The following PCDH15 variants were observed in gnomAD, a reference collection of about 807,000 sequenced individuals.
PCDH15 encodes the protein protocadherin related 15.
Under a neutral mutation model 178.5 loss-of-function variants are expected in PCDH15, and 129 were observed. That is an observed-to-expected ratio of 0.72 (90% CI 0.63 to 0.84). The LOEUF (loss-of-function observed/expected upper bound fraction) is 0.84, where lower values mean the gene tolerates loss of function less well. PCDH15 is among the 40% of genes least tolerant of loss of function. The pLI is 0.00. For synonymous variants in PCDH15, 800 were observed against 732.0 expected, an observed-to-expected ratio of 1.09 and a Z score of -1.50; for missense variants, 2,230 against 2,099.9, an observed-to-expected ratio of 1.06 and a Z score of -1.21.
At chr10:55,604,699 A>T (rs1254379880) in intron 2 of PCDH15, among the ~76,000 whole-genome samples, 10 of 145,202 alleles carry the variant, frequency 6.9e-5, no homozygotes, top group African/African-American at 2.6e-4. Flanking sequence ...GAAACCAACG[A>T]GAACAAAGAC....
chr10:54,539,563 C>T (rs1330737213), intron 2 of PCDH15, among the ~76,000 whole-genome samples: 1 of 152,138 alleles, frequency 6.6e-6, no homozygotes, highest in African/African-American at 2.4e-5. Context: ...CAACATTAGA[C>T]AAATCATTGA....
chr10:55,506,029 G>A (rs1364766169), intron 2 of PCDH15, among the ~76,000 whole-genome samples: 2 of 147,410 alleles, frequency 1.4e-5, no homozygotes, highest in African/African-American at 5.3e-5. Flanking sequence ...TCATTAACAT[G>A]AAAATGTTGT....
At chr10:54,351,531 C>T (rs1266032140) in intron 5 of PCDH15, among the ~76,000 whole-genome samples, 6 of 152,006 alleles carry the variant, frequency 3.9e-5, no homozygotes, top group Non-Finnish European at 7.4e-5. Flanking sequence ...ATTATTTATG[C>T]AGATGAGACT....
At chr10:55,538,264 CAAAT>C (rs1841629861) in intron 2 of PCDH15, among the ~76,000 whole-genome samples, 1 of 152,166 alleles carries the variant, frequency 6.6e-6, no homozygotes, top group Non-Finnish European at 1.5e-5. Context: ...TTTTTGTTAT[CAAAT>C]AAATATTCAC....
At chr10:54,284,326 T>C (rs1023176096) in intron 8 of PCDH15, among the ~76,000 whole-genome samples, 1 of 152,242 alleles carries the variant, frequency 6.6e-6, no homozygotes, top group Non-Finnish European at 1.5e-5. Context: ...TGCCTTCTTA[T>C]TGTAATTGTT....
At chr10:54,977,463 G>A (rs1313028680) in intron 2 of PCDH15, among the ~76,000 whole-genome samples, 1 of 152,120 alleles carries the variant, frequency 6.6e-6, no homozygotes, top group Non-Finnish European at 1.5e-5. Flanking sequence ...TGCCATGAAA[G>A]TTTACAAACG....
chr10:53,821,488 A>G, intron 32 of PCDH15: 3 of 1,023,254 alleles, frequency 2.9e-6, no homozygotes, highest in Non-Finnish European at 3.5e-6. Context: ...TTCATATAAA[A>G]CTACGATCAA....
chr10:54,687,910 T>C (rs538833148), intron 1 of PCDH15, among the ~76,000 whole-genome samples: 6 of 152,188 alleles, frequency 3.9e-5, no homozygotes, highest in African/African-American at 1.4e-4. Context: ...CAATGTTGTA[T>C]GGCAGAAAGT....
At chr10:54,126,105 C>A (rs1005068759) in intron 15 of PCDH15, among the ~76,000 whole-genome samples, 2 of 146,700 alleles carry the variant, frequency 1.4e-5, no homozygotes, top group Non-Finnish European at 3.0e-5. Context: ...GAATCTCGCT[C>A]TGTGGCCCAG....
At chr10:54,672,224 TATA>T (rs2094688443) in intron 1 of PCDH15, among the ~76,000 whole-genome samples, 1 of 151,286 alleles carries the variant, frequency 6.6e-6, no homozygotes, top group Non-Finnish European at 1.5e-5. Flanking sequence ...TATATTATAA[TATA>T]ATAATAATAG....
At chr10:54,907,321 T>G (rs1954742223) in intron 2 of PCDH15, among the ~76,000 whole-genome samples, 1 of 152,222 alleles carries the variant, frequency 6.6e-6, no homozygotes, top group South Asian at 2.1e-4. Context: ...ATGTATTTCT[T>G]CTTTTTTATA....
intron 1 of PCDH15, among the ~76,000 whole-genome samples, chr10:54,785,830 T>G (rs2133471247): frequency 6.6e-6 from 1 of 152,092 alleles, no homozygotes; most frequent in Middle Eastern, 3.4e-3. Context: ...CTCTAAATCC[T>G]CACTTATATC....
intron 21 of PCDH15, among the ~76,000 whole-genome samples, chr10:53,970,781 A>G (rs2089599922): frequency 6.6e-6 from 1 of 152,148 alleles, no homozygotes; most frequent in Admixed American, 6.6e-5. Context: ...AGGCTCTGAA[A>G]TTGAGGCAAT....
rs72147832 is a variant in PCDH15 at position 55,225,635 on chromosome 10, T to TTG, written c.-155-58986_-155-58985dup. On this transcript the variant is annotated intron_variant, in intron 1 of 5. Transcript: ENST00000458638. ...TGTGTGTGTGTATGTGTGTGTGTGTTTGTGTGTGTGTGTGTGAGAGAGAGA... is the reference window on the plus strand; with the variant it reads ...TGTGTGTGTGTATGTGTGTGTGTGTTTGTGTGTGTGTGTGTGTGAGAGAGAGA... Among the ~76,000 whole-genome samples, 487 of 141,034 alleles carry TTG rather than the reference T, an allele frequency of 3.5e-3. 2 individuals carry two copies. Among genetic ancestry groups the TTG allele is most frequent in the African/African-American group, 0.011 (426 of 38,516 alleles). The allele number at this position is 141,034 out of a possible 152,430, so 92.5% of individuals were successfully genotyped here. A position where few individuals can be genotyped will look rare whatever the true frequency, so the allele number is the denominator to read the frequency against.
At chr10:53,880,338 T>C (rs192042184) in intron 26 of PCDH15, among the ~76,000 whole-genome samples, 14 of 152,262 alleles carry the variant, frequency 9.2e-5, no homozygotes, top group Non-Finnish European at 1.8e-4. Context: ...GATAAAACAA[T>C]TTAATATTTT....
intron 2 of PCDH15, among the ~76,000 whole-genome samples, chr10:55,588,786 G>A (rs1044362446): frequency 2.6e-5 from 4 of 151,996 alleles, no homozygotes; most frequent in Non-Finnish European, 4.4e-5. Context: ...AAAACTGTTC[G>A]AAATAAAGGA....
chr10:54,845,706 G>C (rs1479013703), intron 3 of PCDH15, among the ~76,000 whole-genome samples: 1 of 151,990 alleles, frequency 6.6e-6, no homozygotes, highest in Non-Finnish European at 1.5e-5. Context: ...ACATTCAGTT[G>C]GACATAGCAA....
At chr10:55,324,874 T>A (rs1843990649) in intron 2 of PCDH15, among the ~76,000 whole-genome samples, 1 of 152,030 alleles carries the variant, frequency 6.6e-6, no homozygotes, top group African/African-American at 2.4e-5. Flanking sequence ...ACAGGAAAGT[T>A]TCAGGACACA....
intron 2 of PCDH15, among the ~76,000 whole-genome samples, chr10:55,535,649 A>G (rs1032155381): frequency 5.3e-5 from 8 of 152,064 alleles, no homozygotes; most frequent in African/African-American, 1.9e-4. Flanking sequence ...AATCAATTAG[A>G]AGAAGGCAAA....
Sources: gnomAD v4.1 joint callset for allele counts (sites outside exome capture counted in the v4.1 genomes callset) on GRCh38, gnomAD v4.1.1 for gene constraint, MANE v1.5 for transcripts, NCBI Gene and HGNC (gene_info 2026-07-23, HGNC 2026-07-21) for gene names.